Variants in SEMA7A observed in about 807,000 individuals in gnomAD.
SEMA7A encodes the protein semaphorin 7A (JohnMiltonHagen blood group).
A neutral mutation model predicts 67.5 loss-of-function variants in SEMA7A; 21 were observed. The ratio of observed to expected loss-of-function variants is 0.31; its 90% CI spans 0.22 to 0.45. The LOEUF (loss-of-function observed/expected upper bound fraction) is 0.45, where lower values mean the gene tolerates loss of function less well. Among genes scored for constraint, SEMA7A ranks in the 20% least tolerant of loss-of-function variants. The pLI is 1.00. For synonymous variants in SEMA7A, 364 were observed against 368.5 expected (o/e 0.99, Z 0.14); for missense variants, 774 against 908.6 (o/e 0.85, Z 1.90).
Position 74,410,714 on chromosome 15 carries a change from G to A in SEMA7A, c.1911C>T (p.Ala637=), listed in dbSNP as rs370990113. Residue 637 remains alanine (A), a synonymous_variant, in exon 14 of 14, where the codon GCC becomes GCT. Transcript: ENST00000261918. This position sits in a 1 kb window ranked among gnomAD's most constrained non-coding sequence, Gnocchi z 7.5. ...WQLLPEDGIM[A]EHLLGHACAL... is the part of the protein sequence containing the mutation. Reference sequence around the variant, plus strand: ...CACAGGCATGACCCAGCAGGTGCTCGGCCATGATGCCGTCCTCGGGCAGCA... The same window carrying A: ...CACAGGCATGACCCAGCAGGTGCTCAGCCATGATGCCGTCCTCGGGCAGCA... The A allele has an allele frequency of 2.6e-5, 42 of 1,613,566 alleles. No individual in the cohort carries two copies. Among genetic ancestry groups the A allele is most frequent in the South Asian group, 7.7e-5 (7 of 91,072 alleles).
intron 10 of SEMA7A, among the ~76,000 whole-genome samples, chr15:74,413,305 A>G (rs963775978): frequency 6.6e-6 from 1 of 152,226 alleles, no homozygotes; most frequent in African/African-American, 2.4e-5. Flanking sequence ...AGAGCCTCCC[A>G]TTCTCTGCAG....
rs2060896722 is a variant in SEMA7A, at chr15:74,411,204, C to T, written c.1639+91G>A. The stretch of plus-strand genomic sequence containing the variant: ...CCCCATGTACCTGGGGCCCACAGGA[C>T]AAGGCCATGTCTCCCTCAGACCAGG... On this transcript the variant is annotated intron_variant, in intron 13 of 13. Coordinates refer to ENST00000261918, the MANE Select transcript of SEMA7A (RefSeq NM_003612.5). This position sits in a 1 kb window ranked among gnomAD's most constrained non-coding sequence, Gnocchi z 4.4. The T allele has an allele frequency of 1.4e-6, 2 of 1,449,560 alleles. No homozygotes were observed. The highest frequency in any genetic ancestry group is 2.0e-5 in the Admixed American group (1 of 50,310). 89.8% of individuals were successfully genotyped at this position (1,449,560 alleles called of 1,614,324 possible).
chr15:74,422,220 G>A (rs910416336), intron 1 of SEMA7A, among the ~76,000 whole-genome samples: 9 of 152,066 alleles, frequency 5.9e-5, no homozygotes, highest in African/African-American at 2.2e-4. Context: ...AGGGCCAGGA[G>A]TGGAAAATGC....
At chr15:74,412,127 G>T in intron 10 of SEMA7A, 115 bp from the exon 11 acceptor site, 1 of 1,281,110 alleles carries the variant, frequency 7.8e-7, no homozygotes, top group Non-Finnish European at 1.1e-6. Flanking sequence ...TCACAGGACT[G>T]GTGTGGGCAG....
At position 74,416,728 on chromosome 15, in the gene SEMA7A, A is replaced by C; in HGVS notation, c.662-14T>G. 5 of 1,613,292 alleles carry C rather than the reference A, an allele frequency of 3.1e-6. No homozygotes were observed. The highest frequency in any genetic ancestry group is 4.2e-6 in the Non-Finnish European group (5 of 1,179,406). ...TGAACTGTGGGTCTGCCAGGGACAG[A>C]GGCGAGTGGGCGTAAGGCTGGGAAG... On this transcript the variant is annotated splice_polypyrimidine_tract_variant and intron_variant, in intron 6 of 13. Transcript: ENST00000261918.
intron 1 of SEMA7A, among the ~76,000 whole-genome samples, chr15:74,425,970 C>T (rs2061040699): frequency 6.6e-6 from 1 of 152,176 alleles, no homozygotes; most frequent in African/African-American, 2.4e-5. Context: ...TGTAAACCCA[C>T]CAATTAAAAC....
Position 74,414,414 on chromosome 15 carries a change from C to A in SEMA7A, c.1294+133G>T. 1.0e-6 allele frequency: 1 copy of A among 976,136 alleles called. No homozygotes were observed. The highest frequency in any genetic ancestry group is 1.6e-6 in the Non-Finnish European group (1 of 626,928). The allele number at this position is 976,136 out of a possible 1,614,324, so 60.5% of individuals were successfully genotyped here. On this transcript the variant is annotated intron_variant, in intron 10 of 13. Transcript: ENST00000261918. This position sits in a 1 kb window ranked among gnomAD's most constrained non-coding sequence, Gnocchi z 4.1. Reference sequence around the variant, plus strand: ...ACTCTTCCACACCCACACACATTAACCCCTGACAACTCCAGTCACTCAATT... The same window carrying A: ...ACTCTTCCACACCCACACACATTAAACCCTGACAACTCCAGTCACTCAATT...
At chr15:74,420,725 C>T (rs896491882) in intron 1 of SEMA7A, among the ~76,000 whole-genome samples, 1 of 152,154 alleles carries the variant, frequency 6.6e-6, no homozygotes, top group Non-Finnish European at 1.5e-5. Flanking sequence ...TCCCGTAACT[C>T]CCCTTCCACC....
rs752505538 is a variant in SEMA7A, at chr15:74,418,816, G to A, written c.315C>T (p.Asn105=). 15 of 1,613,844 alleles carry A rather than the reference G, an allele frequency of 9.3e-6. No homozygotes were observed. Among genetic ancestry groups the A allele is most frequent in the East Asian group, 2.2e-5 (1 of 44,888 alleles). Residue 105 remains asparagine, a synonymous_variant, in exon 2 of 14, where the codon AAC becomes AAT. Coordinates refer to ENST00000261918, the MANE Select transcript of SEMA7A (RefSeq NM_003612.5). ...VYLFDFPEGK[N]ASVRTVNIGS... Reference sequence around the variant, plus strand: ...AGAGGCTCACCGTGCGCACAGATGCGTTCTTGCCCTCGGGGAAGTCAAAGA... The same window carrying A: ...AGAGGCTCACCGTGCGCACAGATGCATTCTTGCCCTCGGGGAAGTCAAAGA...
rs936452703 is a variant in SEMA7A, at chr15:74,414,203, G to A, written c.1294+344C>T. ...AGAGGCCAGTATCCCTGTGGTTCAGGCCCCTCCTCCTCATTTGCCACGTCT... is the reference window on the plus strand; with the variant it reads ...AGAGGCCAGTATCCCTGTGGTTCAGACCCCTCCTCCTCATTTGCCACGTCT... On this transcript the variant is annotated intron_variant, in intron 10 of 13. Coordinates refer to ENST00000261918, the MANE Select transcript of SEMA7A (RefSeq NM_003612.5). The surrounding 1 kb of genome is among the most constrained non-coding windows in gnomAD (Gnocchi z 4.1). Among the ~76,000 whole-genome samples, 1 of 152,120 alleles carries A rather than the reference G, an allele frequency of 6.6e-6. No homozygotes were observed. The highest frequency in any genetic ancestry group is 1.5e-5 in the Non-Finnish European group (1 of 68,014).
chr15:74,423,442 G>A lies in SEMA7A; in HGVS notation c.179-4490C>T, dbSNP rs976244771. On this transcript the variant is annotated intron_variant, in intron 1 of 13. Coordinates refer to ENST00000261918, the MANE Select transcript of SEMA7A (RefSeq NM_003612.5). The surrounding 1 kb of genome is among the most constrained non-coding windows in gnomAD (Gnocchi z 4.1). ...TACCACCGGCCCAAGGACACAGAGC[G>A]AGGGAAGCTCCAAGTTTCCAGTACC... 1.1e-4 allele frequency among the ~76,000 whole-genome samples: 17 copies of A among 152,140 alleles called. No individual in the cohort carries two copies. The highest frequency in any genetic ancestry group is 2.7e-4 in the African/African-American group (11 of 41,424).
In SEMA7A at chr15:74,414,850, C is replaced by T. The variant is rs147975982; in HGVS notation, c.1083G>A (p.Pro361=). Residue 361 remains proline (P), a synonymous_variant, in exon 9 of 14, where the codon CCG becomes CCA. Coordinates refer to ENST00000261918, the MANE Select transcript of SEMA7A (RefSeq NM_003612.5). The surrounding 1 kb of genome is among the most constrained non-coding windows in gnomAD (Gnocchi z 4.1). ...GTGTCACGCTCACCTTGCCAGGCCG[C>T]GGGTTGGGAAGGCTTGAGTGGTAGC... The part of the protein sequence containing the change: ...LKGYHSSLPN[P]RPGKCLPDQQ... 142 of 1,614,146 alleles carry T rather than the reference C, an allele frequency of 8.8e-5. No homozygotes were observed. Among genetic ancestry groups the T allele is most frequent in the Admixed American group, 3.8e-4 (23 of 60,028 alleles).
intron 1 of SEMA7A, among the ~76,000 whole-genome samples, chr15:74,419,446 C>T (rs1475520834): frequency 6.6e-6 from 1 of 152,150 alleles, no homozygotes; most frequent in East Asian, 1.9e-4. Flanking sequence ...GTCCAGGTTC[C>T]CAGGAATCAC....
At chr15:74,429,622 C>A (rs2061070968) in intron 1 of SEMA7A, among the ~76,000 whole-genome samples, 1 of 152,232 alleles carries the variant, frequency 6.6e-6, no homozygotes, top group Non-Finnish European at 1.5e-5. Flanking sequence ...CTCGAGAGGC[C>A]TTCCCTGCCT....
chr15:74,422,279 T>C (rs1033130661), intron 1 of SEMA7A, among the ~76,000 whole-genome samples: 2 of 151,870 alleles, frequency 1.3e-5, no homozygotes, highest in African/African-American at 4.8e-5. Flanking sequence ...CTGCTTCCCA[T>C]CCTGCTTGTC....
At chr15:74,415,307 C>T (rs969396096) in intron 8 of SEMA7A, among the ~76,000 whole-genome samples, 1 of 152,152 alleles carries the variant, frequency 6.6e-6, no homozygotes, top group African/African-American at 2.4e-5. Flanking sequence ...GGGGACCCCA[C>T]TCACCCAGGA....
In SEMA7A at chr15:74,433,727, G is replaced by C. The variant is rs1396915886; in HGVS notation, c.178+14C>G. On this transcript the variant is annotated intron_variant, in intron 1 of 13. Transcript: ENST00000261918. ...TCTGATCCCGCGCCTGACCGGCCGC[G>C]CGGCGCCGCCTACCTTTCCAGACGG... 2 of 1,424,140 alleles carry C rather than the reference G, an allele frequency of 1.4e-6. No homozygotes were observed. The highest frequency in any genetic ancestry group is 3.0e-5 in the African/African-American group (2 of 66,394). 88.2% of individuals were successfully genotyped at this position (1,424,140 alleles called of 1,614,324 possible).
At position 74,417,458 on chromosome 15, in the gene SEMA7A, G is replaced by A. The variant is rs2060961361; in HGVS notation, c.551-13C>T. The A allele has an allele frequency of 6.2e-7, 1 of 1,610,704 alleles. No homozygotes were observed. Among genetic ancestry groups the A allele is most frequent in the Non-Finnish European group, 8.5e-7 (1 of 1,177,148 alleles). On this transcript the variant is annotated splice_polypyrimidine_tract_variant and intron_variant, in intron 5 of 13. Coordinates refer to ENST00000261918, the MANE Select transcript of SEMA7A (RefSeq NM_003612.5). ...TACACCTCGTCCCCTGGGGTCAGTG[G>A]GAGGGAGAAATGAGTAAGGGCAGGC...
chr15:74,414,486 C>A lies in SEMA7A; in HGVS notation c.1294+61G>T. 1 of 1,481,350 alleles carries A rather than the reference C, an allele frequency of 6.8e-7. No individual in the cohort carries two copies. The highest frequency in any genetic ancestry group is 9.4e-7 in the Non-Finnish European group (1 of 1,064,110). 91.8% of individuals were successfully genotyped at this position (1,481,350 alleles called of 1,614,324 possible). The stretch of plus-strand genomic sequence containing the variant: ...CCAACCAGATGTTAACTACATTATT[C>A]CTTACACCTTTCATGCCCGTTTTTA... On this transcript the variant is annotated intron_variant, in intron 10 of 13. Transcript: ENST00000261918. This position sits in a 1 kb window ranked among gnomAD's most constrained non-coding sequence, Gnocchi z 4.1.
Sources: allele counts gnomAD v4.1 joint callset (sites outside exome capture counted in the v4.1 genomes callset), GRCh38; gene constraint gnomAD v4.1.1; non-coding constraint Gnocchi (gnomAD v3.1); transcripts MANE v1.5; gene names NCBI Gene and HGNC (gene_info 2026-07-23, HGNC 2026-07-21).